Variants in IL1RAPL2 observed in about 807,000 individuals in gnomAD.
IL1RAPL2 encodes interleukin 1 receptor accessory protein like 2, also known as X-linked interleukin-1 receptor accessory protein-like 2.
A neutral mutation model predicts 44.1 loss-of-function variants in IL1RAPL2; 3 were observed. The observed-to-expected ratio is 0.07, with a 90% CI of 0.03 to 0.18. The LOEUF (loss-of-function observed/expected upper bound fraction) is 0.18, where lower values mean the gene tolerates loss of function less well. Ranked by LOEUF, IL1RAPL2 falls within the 10% of genes least tolerant of loss-of-function variation. The pLI is 1.00. For missense variants in IL1RAPL2, 391 were observed against 496.4 expected, an observed-to-expected ratio of 0.79 and a Z score of 2.02; for synonymous variants, 181 against 178.8, an observed-to-expected ratio of 1.01 and a Z score of -0.10.
rs183820763 is a variant in IL1RAPL2, at chrX:105,235,289, G to C, written c.543+1285G>C. On this transcript the variant is annotated intron_variant, in intron 4 of 10. Coordinates refer to ENST00000372582, the MANE Select transcript of IL1RAPL2 (RefSeq NM_017416.2). The stretch of plus-strand genomic sequence containing the variant: ...CAGCTAACCTGGGGCCCACGGTCTT[G>C]TAACAGAACTAAGTCAACTCTCTTC... Among the ~76,000 whole-genome samples the C allele has an allele frequency of 7.1e-5, 8 of 112,001 alleles. No homozygotes were observed. In the East Asian group the frequency reaches 2.0e-3, roughly 28 times the overall value.
At chrX:104,620,717 GTAGT>G (rs1387040683) in intron 1 of IL1RAPL2, among the ~76,000 whole-genome samples, 1 of 100,734 alleles carries the variant, frequency 9.9e-6, no homozygotes, top group Non-Finnish European at 2.0e-5. Flanking sequence ...ACAGTAATAG[GTAGT>G]TGGTTATTTT....
At chrX:104,949,150 A>G (rs1308843265) in intron 2 of IL1RAPL2, among the ~76,000 whole-genome samples, 9 of 108,368 alleles carry the variant, frequency 8.3e-5, no homozygotes, top group South Asian at 4.2e-4. Context: ...GTCTTGGGAG[A>G]GTGTATGTGT....
chrX:104,875,362 T>A (rs1208954865), intron 2 of IL1RAPL2, among the ~76,000 whole-genome samples: 2 of 107,600 alleles, frequency 1.9e-5, no homozygotes, highest in Non-Finnish European at 3.8e-5. Context: ...AAAATAGATA[T>A]GGCCCCTACC....
chrX:104,928,920 T>C lies in IL1RAPL2; in HGVS notation c.83-266555T>C, dbSNP rs1463719171. The stretch of plus-strand genomic sequence containing the variant: ...ATTGAATATATTTCTGGTAAAGGAT[T>C]TTTGAAAATAAAATAAACTAATGTT... On this transcript the variant is annotated intron_variant, in intron 2 of 10. Transcript: ENST00000372582. Among the ~76,000 whole-genome samples, 4 of 111,584 alleles carry C rather than the reference T, an allele frequency of 3.6e-5. No individual in the cohort carries two copies. In the East Asian group the frequency reaches 1.1e-3, roughly 31 times the overall value.
intron 2 of IL1RAPL2, among the ~76,000 whole-genome samples, chrX:104,683,227 T>G (rs1410839535): frequency 1.8e-5 from 2 of 111,977 alleles, no homozygotes; most frequent in Non-Finnish European, 3.8e-5. Flanking sequence ...TTCAGCCACA[T>G]GTAAAGAATC....
chrX:104,697,668 G>A (rs1931204381), intron 2 of IL1RAPL2, among the ~76,000 whole-genome samples: 1 of 111,461 alleles, frequency 9.0e-6, no homozygotes, highest in Admixed American at 9.6e-5. Flanking sequence ...AGTCTAGGGT[G>A]AGATGCAGCC....
At chrX:104,771,577 T>A (rs1381565107) in intron 2 of IL1RAPL2, among the ~76,000 whole-genome samples, 2 of 112,395 alleles carry the variant, frequency 1.8e-5, no homozygotes. Flanking sequence ...ATAGTTGGGT[T>A]TTTTTCTTCT....
At chrX:104,795,987 A>G (rs1932847944) in intron 2 of IL1RAPL2, among the ~76,000 whole-genome samples, 1 of 111,997 alleles carries the variant, frequency 8.9e-6, no homozygotes, top group African/African-American at 3.2e-5. Flanking sequence ...TTGAATTCCT[A>G]CTTCTCTCTG....
chrX:105,734,864 T>A (rs951290497), intron 7 of IL1RAPL2, among the ~76,000 whole-genome samples: 2 of 111,493 alleles, frequency 1.8e-5, no homozygotes, highest in Non-Finnish European at 3.8e-5. Flanking sequence ...CCCCTAAATA[T>A]AGGTCTCATG....
chrX:104,820,036 A>T (rs1394337985), intron 2 of IL1RAPL2, among the ~76,000 whole-genome samples: 19 of 111,389 alleles, frequency 1.7e-4, no homozygotes, highest in African/African-American at 6.2e-4. Context: ...TAAATATATG[A>T]TCAGTTTTCC....
intron 2 of IL1RAPL2, among the ~76,000 whole-genome samples, chrX:104,891,025 A>C (rs1923420206): frequency 8.9e-6 from 1 of 112,095 alleles, no homozygotes; most frequent in Non-Finnish European, 1.9e-5. Context: ...ATGGCTAACC[A>C]GTTTTCCCAG....
chrX:105,002,282 A>G lies in IL1RAPL2; in HGVS notation c.83-193193A>G, dbSNP rs781424694. 2.6e-4 allele frequency among the ~76,000 whole-genome samples: 29 copies of G among 111,620 alleles called. 1 individual carries two copies. The South Asian group carries it at 0.01, about 40-fold the overall frequency. On this transcript the variant is annotated intron_variant, in intron 2 of 10. Transcript: ENST00000372582. The stretch of plus-strand genomic sequence containing the variant: ...CAAGTTTACAGGGAGACAGGAAAAT[A>G]TAACAGAACAAGTTTGAGTGTAAAA...
chrX:105,121,085 G>T (rs2032920677), intron 2 of IL1RAPL2, among the ~76,000 whole-genome samples: 1 of 111,649 alleles, frequency 9.0e-6, no homozygotes, highest in South Asian at 3.7e-4. Context: ...CTGTAATAGT[G>T]TTCTAAATTG....
chrX:105,111,310 A>G (rs1480222512), intron 2 of IL1RAPL2, among the ~76,000 whole-genome samples: 1 of 111,959 alleles, frequency 8.9e-6, no homozygotes, highest in African/African-American at 3.2e-5. Context: ...CTTGTTGCAA[A>G]CTACCTCTTT....
intron 2 of IL1RAPL2, among the ~76,000 whole-genome samples, chrX:104,881,670 A>G (rs1923074633): frequency 8.9e-6 from 1 of 112,136 alleles, no homozygotes; most frequent in African/African-American, 3.2e-5. Flanking sequence ...TTTCCTGAAT[A>G]TAAACTCTAA....
chrX:105,125,807 A>G (rs2032968921), intron 2 of IL1RAPL2, among the ~76,000 whole-genome samples: 1 of 110,465 alleles, frequency 9.1e-6, no homozygotes, highest in African/African-American at 3.3e-5. Context: ...AGAACTGACT[A>G]TGGAAATCGA....
intron 6 of IL1RAPL2, among the ~76,000 whole-genome samples, chrX:105,498,132 C>T (rs901634947): frequency 3.6e-5 from 4 of 111,784 alleles, no homozygotes; most frequent in African/African-American, 1.3e-4. Flanking sequence ...TCACAAATGG[C>T]ATAATCTTGT....
At chrX:105,717,925 G>C (rs747523448) in intron 7 of IL1RAPL2, among the ~76,000 whole-genome samples, 2 of 112,065 alleles carry the variant, frequency 1.8e-5, no homozygotes, top group Non-Finnish European at 3.8e-5. Flanking sequence ...GTTAACTCTT[G>C]TTGAATACTG....
At chrX:104,964,882 A>G (rs2030089845) in intron 2 of IL1RAPL2, among the ~76,000 whole-genome samples, 1 of 110,443 alleles carries the variant, frequency 9.1e-6, no homozygotes, top group Non-Finnish European at 1.9e-5. Flanking sequence ...ATCATAGCTC[A>G]CTGCAACCTT....
Sources: allele counts gnomAD v4.1 joint callset (sites outside exome capture counted in the v4.1 genomes callset), GRCh38; gene constraint gnomAD v4.1.1; transcripts MANE v1.5; gene names NCBI Gene and HGNC (gene_info 2026-07-23, HGNC 2026-07-21).